The following CST5 variants were observed in gnomAD, a reference collection of about 807,000 sequenced individuals.
CST5 encodes the protein cystatin D.
A neutral mutation model predicts 11.5 loss-of-function variants in CST5; 13 were observed. That is an observed-to-expected ratio of 1.13 (90% CI 0.73 to 1.79). The LOEUF (loss-of-function observed/expected upper bound fraction) is 1.79. CST5 is among the 40% of genes most tolerant of loss of function. The pLI is 0.00. For synonymous variants in CST5, 81 were observed against 67.6 expected (o/e 1.20, Z -0.97); for missense variants, 219 against 174.5 (o/e 1.25, Z -1.44).
In CST5 at chr20:23,879,549, C is replaced by G; in HGVS notation, c.128G>C (p.Ser43Thr). 6.2e-7 allele frequency: 1 copy of G among 1,614,132 alleles called. No homozygotes were observed. The highest frequency in any genetic ancestry group is 8.5e-7 in the Non-Finnish European group (1 of 1,180,012). Reference protein sequence around the residue: ...GIHATDLNDKSVQCALDFAIS... With the variant: ...GIHATDLNDKTVQCALDFAIS... The stretch of plus-strand genomic sequence containing the variant: ...GGCAAAGTCCAGGGCACACTGCACA[C>G]TCTTGTCATTGAGGTCTGTGGCATG... The change falls in exon 1 of 3, where the codon AGT becomes ACT. Residue 43 changes from serine to threonine, a missense_variant. Physicochemically the swap from Ser to Thr is moderately conservative, Grantham distance 58 (BLOSUM62 1). Transcript: ENST00000304710.
intron 1 of CST5, among the ~76,000 whole-genome samples, chr20:23,879,031 TGG>T (rs1382540736): frequency 5.9e-5 from 9 of 152,100 alleles, no homozygotes; most frequent in Non-Finnish European, 2.9e-5. Flanking sequence ...GGGCGTGACT[TGG>T]GAGGGAAGCG....
At chr20:23,877,408 T>G in intron 2 of CST5, 97 bp downstream of exon 2, 1 of 928,822 alleles carries the variant, frequency 1.1e-6, no homozygotes, top group East Asian at 2.4e-5. Context: ...CCAAAGCATG[T>G]GCAGGAGTAC....
At chr20:23,876,492 T>G (rs1985963903) in intron 2 of CST5, among the ~76,000 whole-genome samples, 1 of 152,160 alleles carries the variant, frequency 6.6e-6, no homozygotes, top group Non-Finnish European at 1.5e-5. Context: ...ACATTGGGCC[T>G]TCACCCCAGC....
chr20:23,879,352 G>T, intron 1 of CST5, 94 bp downstream of exon 1: 1 of 922,086 alleles, frequency 1.1e-6, no homozygotes, highest in Non-Finnish European at 1.7e-6. Context: ...TGAGTCTGCG[G>T]TTTAGATAAT....
chr20:23,877,572 G>T lies in CST5; in HGVS notation c.278C>A (p.Thr93Asn), dbSNP rs897333149. The T allele has an allele frequency of 2.5e-6, 4 of 1,613,706 alleles. No individual in the cohort carries two copies. Among genetic ancestry groups the T allele is most frequent in the Non-Finnish European group, 2.5e-6 (3 of 1,179,748 alleles). ...NYYFNVKFGR[T>N]TCTKSQPNLD... ...GTTGGGCTGGGACTTGGTGCATGTGGTTCGACCGAACTTCACATTGAAGTA... is the reference window on the plus strand; with the variant it reads ...GTTGGGCTGGGACTTGGTGCATGTGTTTCGACCGAACTTCACATTGAAGTA... Residue 93 changes from threonine (T) to asparagine (N), a missense_variant, in exon 2 of 3, where the codon ACC (threonine) becomes AAC (asparagine). Physicochemically the swap from Thr to Asn is moderately conservative, Grantham distance 65. Coordinates refer to ENST00000304710, the MANE Select transcript of CST5 (RefSeq NM_001900.5).
At chr20:23,878,097 C>T (rs1289495655) in intron 1 of CST5, among the ~76,000 whole-genome samples, 1 of 152,166 alleles carries the variant, frequency 6.6e-6, no homozygotes. Context: ...AGGAAGGCTG[C>T]CACCTGATGA....
chr20:23,876,489 G>C (rs1025323650), intron 2 of CST5, among the ~76,000 whole-genome samples: 1 of 152,142 alleles, frequency 6.6e-6, no homozygotes, highest in African/African-American at 2.4e-5. Context: ...GTGACATTGG[G>C]CCTTCACCCC....
rs144337261 is a variant in CST5, at chr20:23,879,081, C to T, written c.231+365G>A. Among the ~76,000 whole-genome samples the T allele has an allele frequency of 1.3e-4, 20 of 152,224 alleles. No individual in the cohort carries two copies. The East Asian group carries it at 3.7e-3, about 28-fold the overall frequency. ...ACAAGGAGTCAGGTTCCCGTGTGGC[C>T]CCTGTGGAGAGGACTCAGGGAGGAA... On this transcript the variant is annotated intron_variant, in intron 1 of 2. Coordinates refer to ENST00000304710, the MANE Select transcript of CST5 (RefSeq NM_001900.5).
chr20:23,878,827 C>T (rs1986018342), intron 1 of CST5, among the ~76,000 whole-genome samples: 1 of 152,230 alleles, frequency 6.6e-6, no homozygotes, highest in South Asian at 2.1e-4. Context: ...AGCTTCCTCC[C>T]TCTGGACCCA....
intron 1 of CST5, among the ~76,000 whole-genome samples, 191 bp from the exon 2 acceptor site, chr20:23,877,809 G>A (rs1201377293): frequency 6.6e-6 from 1 of 152,156 alleles, no homozygotes; most frequent in Non-Finnish European, 1.5e-5. Flanking sequence ...CTAGTAACTT[G>A]TTTTCTCTGG....
chr20:23,879,342 T>G, intron 1 of CST5, 104 bp downstream of exon 1: 1 of 848,132 alleles, frequency 1.2e-6, no homozygotes. Context: ...GAAAGCTGAA[T>G]GAGTCTGCGG....
At chr20:23,877,899 C>A (rs78713648) in intron 1 of CST5, among the ~76,000 whole-genome samples, 8,888 of 152,276 alleles carry the variant, frequency 0.058, 809 homozygotes, top group African/African-American at 0.2. Flanking sequence ...GGCCTAAAAC[C>A]CCCTTCACTG....
rs747961080 is a variant in CST5 at position 23,877,519 on chromosome 20, G to A, written c.331C>T (p.Pro111Ser). The change falls in exon 2 of 3, where the codon CCA becomes TCA. Residue 111 changes from proline to serine, a missense_variant. Transcript: ENST00000304710. ...CAGGCACATACCTCTTTCAGTTTTG[G>A]CTGGTCATTGAAGGGACAGTTGTCC... The part of the protein sequence containing the change: ...NLDNCPFNDQ[P>S]KLKEEEFCSF... The A allele has an allele frequency of 1.2e-6, 2 of 1,614,076 alleles. No individual in the cohort carries two copies. Among genetic ancestry groups the A allele is most frequent in the Admixed American group, 3.3e-5 (2 of 60,030 alleles).
intron 2 of CST5, 115 bp from the exon 3 acceptor site, chr20:23,876,386 C>G: frequency 1.3e-6 from 1 of 777,122 alleles, no homozygotes; most frequent in South Asian, 1.6e-5. Flanking sequence ...ACACTGCCCC[C>G]TGACCCCAAC....
At chr20:23,877,898 C>A (rs1235832354) in intron 1 of CST5, among the ~76,000 whole-genome samples, 2 of 152,212 alleles carry the variant, frequency 1.3e-5, no homozygotes, top group Non-Finnish European at 2.9e-5. Context: ...GGGCCTAAAA[C>A]CCCCTTCACT....
intron 2 of CST5, among the ~76,000 whole-genome samples, chr20:23,876,985 A>ACTTTAG: frequency 6.6e-6 from 1 of 152,118 alleles, no homozygotes; most frequent in Non-Finnish European, 1.5e-5. Flanking sequence ...CCTCCCAGTA[A>ACTTTAG]CCATTACCAA....
Position 23,877,512 on chromosome 20 carries a change from AG to A in CST5, c.337del (p.Leu113Ter). On this transcript the variant is annotated frameshift_variant, in exon 2 of 3. Transcript: ENST00000304710. LOFTEE classifies it low-confidence loss of function (END_TRUNC). The part of the protein sequence containing the change: ...DNCPFNDQPK[L>X]KEEEFCSFQI... ...CCCACATCAGGCACATACCTCTTTC[AG>A]TTTTGGCTGGTCATTGAAGGGACAG... The A allele has an allele frequency of 6.2e-7, 1 of 1,613,778 alleles. No homozygotes were observed. The highest frequency in any genetic ancestry group is 8.5e-7 in the Non-Finnish European group (1 of 1,179,806).
intron 1 of CST5, 54 bp from the exon 2 acceptor site, chr20:23,877,672 C>T: frequency 2.9e-6 from 4 of 1,401,092 alleles, no homozygotes; most frequent in East Asian, 2.3e-5. Flanking sequence ...GTTTCATGCA[C>T]ACGCAGGCAC....
Position 23,879,558 on chromosome 20 carries a change from T to C in CST5, c.119A>G (p.Asn40Ser). Residue 40 changes from asparagine (N) to serine (S), a missense_variant, in exon 1 of 3, where the codon AAT (asparagine) becomes AGT (serine). Asn to Ser is a conservative substitution (Grantham distance 46). Transcript: ENST00000304710. The stretch of plus-strand genomic sequence containing the variant: ...CAGGGCACACTGCACACTCTTGTCA[T>C]TGAGGTCTGTGGCATGGATGCCACC... ...LAGGIHATDL[N>S]DKSVQCALDF... 4 of 1,614,096 alleles carry C rather than the reference T, an allele frequency of 2.5e-6. No homozygotes were observed. Among genetic ancestry groups the C allele is most frequent in the Middle Eastern group, 1.6e-4 (1 of 6,062 alleles).
Sources: allele counts gnomAD v4.1 joint callset (sites outside exome capture counted in the v4.1 genomes callset), GRCh38; gene constraint gnomAD v4.1.1; transcripts MANE v1.5; gene names NCBI Gene and HGNC (gene_info 2026-07-23, HGNC 2026-07-21).